The following ODAD2 variants were observed in gnomAD, a reference collection of about 807,000 sequenced individuals.
ODAD2 encodes the protein outer dynein arm-docking complex subunit 2.
ODAD2 carries 89 observed loss-of-function variants against 106.8 expected under a neutral mutation model. The observed-to-expected ratio is 0.83, with a 90% confidence interval of 0.70 to 0.99. The LOEUF (loss-of-function observed/expected upper bound fraction) is 0.99. ODAD2 is among the 50% of genes least tolerant of loss of function. The probability of loss-of-function intolerance (pLI) is 0.00; values close to 1 mark genes in which losing one functional copy is unlikely to be tolerated. For synonymous variants in ODAD2, 404 were observed against 436.2 expected (o/e 0.93, Z 0.92); for missense variants, 1,168 against 1,238.5 (o/e 0.94, Z 0.85).
intron 1 of ODAD2, among the ~76,000 whole-genome samples, chr10:27,998,538 G>A (rs1169780587): frequency 6.6e-6 from 1 of 152,046 alleles, no homozygotes; most frequent in African/African-American, 2.4e-5. Context: ...GAGGTGATGG[G>A]GCCGAGGTAG....
intron 10 of ODAD2, among the ~76,000 whole-genome samples, chr10:27,954,110 T>A (rs1045814853): frequency 3.9e-5 from 6 of 152,344 alleles, no homozygotes; most frequent in Admixed American, 1.3e-4. Context: ...ATCTGATGCC[T>A]CTTATTCACT....
chr10:27,994,774 C>T (rs1207185976), intron 2 of ODAD2, 145 bp downstream of exon 2: 1 of 811,150 alleles, frequency 1.2e-6, no homozygotes, highest in Non-Finnish European at 1.9e-6. Flanking sequence ...TCAGACTTCA[C>T]CTGTGTGTCT....
chr10:27,931,710 A>C (rs1322784416), intron 16 of ODAD2, among the ~76,000 whole-genome samples: 1 of 150,014 alleles, frequency 6.7e-6, no homozygotes, highest in Non-Finnish European at 1.5e-5. Context: ...GACTCATTTC[A>C]AAAAGTAATG....
intron 10 of ODAD2, among the ~76,000 whole-genome samples, chr10:27,948,285 T>C (rs1847083032): frequency 6.6e-6 from 1 of 152,086 alleles, no homozygotes; most frequent in South Asian, 2.1e-4. Context: ...GGAAAGTTAG[T>C]TTTTCCACAT....
In ODAD2 at chr10:27,812,635, A is replaced by C; in HGVS notation, c.3022-10T>G. ...CCATATCCAGTAGAAGCTGTCACAC[A>C]TAAGGAGGAGAAGAAGGGACACAAG... On this transcript the variant is annotated splice_polypyrimidine_tract_variant and intron_variant, in intron 19 of 19. Coordinates refer to ENST00000305242, the MANE Select transcript of ODAD2 (RefSeq NM_018076.5). 6.4e-7 allele frequency: 1 copy of C among 1,572,806 alleles called. No homozygotes were observed. The highest frequency in any genetic ancestry group is 1.2e-5 in the South Asian group (1 of 82,928).
intron 17 of ODAD2, among the ~76,000 whole-genome samples, chr10:27,887,917 CCAA>C (rs1173175803): frequency 6.6e-5 from 10 of 151,932 alleles, no homozygotes; most frequent in African/African-American, 2.2e-4. Context: ...CAGTTGTACA[CCAA>C]CAAGTTGGAT....
intron 8 of ODAD2, among the ~76,000 whole-genome samples, chr10:27,969,661 G>A (rs888878572): frequency 6.6e-6 from 1 of 152,172 alleles, no homozygotes. Flanking sequence ...CAGCTCTCTG[G>A]GTTTGCTTCC....
intron 18 of ODAD2, 22 bp from the exon 19 acceptor site, chr10:27,860,868 G>A: frequency 6.3e-7 from 1 of 1,596,562 alleles, no homozygotes; most frequent in South Asian, 1.1e-5. Context: ...AAAATGAAAT[G>A]GGATCTGTGC....
At chr10:27,948,778 G>GTTTTTTT (rs1847115638) in intron 10 of ODAD2, among the ~76,000 whole-genome samples, 1 of 39,276 alleles carries the variant, frequency 2.5e-5, no homozygotes, top group Non-Finnish European at 5.9e-5. Flanking sequence ...TTGGCCTTTG[G>GTTTTTTT]ATTTTTTTTT....
chr10:27,914,398 T>C (rs1844221466), intron 16 of ODAD2, among the ~76,000 whole-genome samples: 1 of 152,180 alleles, frequency 6.6e-6, no homozygotes, highest in South Asian at 2.1e-4. Flanking sequence ...AATCATTCCC[T>C]ATTTTAAGTT....
chr10:27,962,753 C>T (rs1181615339), intron 9 of ODAD2, among the ~76,000 whole-genome samples: 1 of 152,124 alleles, frequency 6.6e-6, no homozygotes, highest in Non-Finnish European at 1.5e-5. Context: ...ACACTCATCA[C>T]ACCAGCTTGT....
intron 16 of ODAD2, among the ~76,000 whole-genome samples, chr10:27,914,063 A>G (rs149136135): frequency 2.7e-4 from 41 of 152,296 alleles, no homozygotes; most frequent in African/African-American, 9.6e-4. Flanking sequence ...TCACAGTAGC[A>G]AAGACATAAA....
chr10:27,860,835 T>G lies in ODAD2; in HGVS notation c.2811A>C (p.Lys937Asn). The change falls in exon 19 of 20, where the codon AAA becomes AAC. Residue 937 changes from lysine to asparagine, a missense_variant. Around this residue, in one of 3 missense-constraint regions of ODAD2, gnomAD observed 701 missense variants for 712.3 expected, o/e 0.98. Transcript: ENST00000305242. ...TAGCTTCTGCTAGATGATGTCTCAA[T>G]TTATTGTTATTCTGTGCAAGGGAAA... ...LSKLANTNNN[K>N]LRHHLAEAIS... is the part of the protein sequence containing the mutation. 2 of 1,613,978 alleles carry G rather than the reference T, an allele frequency of 1.2e-6. No individual in the cohort carries two copies. Among genetic ancestry groups the G allele is most frequent in the Non-Finnish European group, 1.7e-6 (2 of 1,179,852 alleles).
At chr10:27,970,098 C>CAAAA (rs1272310274) in intron 8 of ODAD2, among the ~76,000 whole-genome samples, 3 of 125,338 alleles carry the variant, frequency 2.4e-5, no homozygotes, top group Non-Finnish European at 3.5e-5. Flanking sequence ...GATTCTGTCT[C>CAAAA]AAAAAATAAA....
chr10:27,851,866 C>T (rs933134489), intron 19 of ODAD2, among the ~76,000 whole-genome samples: 1 of 152,128 alleles, frequency 6.6e-6, no homozygotes, highest in Admixed American at 6.6e-5. Context: ...GGAAACTACA[C>T]AAGGCCCATC....
At chr10:27,831,137 C>T (rs1274818161) in intron 19 of ODAD2, among the ~76,000 whole-genome samples, 2 of 152,196 alleles carry the variant, frequency 1.3e-5, no homozygotes, top group East Asian at 1.9e-4. Context: ...GTCCATCTGC[C>T]TTGTGCTTGG....
intron 17 of ODAD2, among the ~76,000 whole-genome samples, chr10:27,882,483 T>C (rs951474472): frequency 2.6e-5 from 4 of 152,056 alleles, no homozygotes; most frequent in African/African-American, 9.7e-5. Context: ...AATAGTGACC[T>C]CCAAAAATCT....
At chr10:27,840,518 T>C (rs1481014413) in intron 19 of ODAD2, among the ~76,000 whole-genome samples, 1 of 152,184 alleles carries the variant, frequency 6.6e-6, no homozygotes, top group South Asian at 2.1e-4. Context: ...CACCACTGAT[T>C]GGACAAGGGG....
chr10:27,964,485 A>C (rs895177528), intron 9 of ODAD2, among the ~76,000 whole-genome samples: 18 of 152,222 alleles, frequency 1.2e-4, no homozygotes, highest in Non-Finnish European at 1.9e-4. Flanking sequence ...TCATTCACCA[A>C]ACGTGCATGG....
Sources: allele counts gnomAD v4.1 joint callset (sites outside exome capture counted in the v4.1 genomes callset), GRCh38; gene constraint gnomAD v4.1.1; regional missense constraint gnomAD v4.1.1; transcripts MANE v1.5; gene names NCBI Gene and HGNC (gene_info 2026-07-23, HGNC 2026-07-21).